The following CLTRN variants were observed in gnomAD, a reference collection of about 807,000 sequenced individuals.
The protein encoded by CLTRN is collectrin, amino acid transport regulator, also known as collectrin.
Under a neutral mutation model 14.5 loss-of-function variants are expected in CLTRN, and 12 were observed. That is an observed-to-expected ratio of 0.83 (90% confidence interval 0.53 to 1.34). CLTRN has a LOEUF of 1.34. Among genes scored for constraint, CLTRN ranks in the 40% most tolerant of loss-of-function variants. The probability of loss-of-function intolerance (pLI) is 0.00; values close to 1 mark genes in which losing one functional copy is unlikely to be tolerated. For missense variants in CLTRN, 154 were observed against 165.1 expected (o/e 0.93, Z 0.37); for synonymous variants, 58 against 56.5 (o/e 1.03, Z -0.12).
upstream of CLTRN, among the ~76,000 whole-genome samples, chrX:15,668,523 T>A (rs745754031): frequency 3.9e-4 from 44 of 112,591 alleles, no homozygotes; most frequent in South Asian, 2.2e-3. Context: ...AACATTTTTT[T>A]AATTTATTTT....
At chrX:15,648,540 C>T (rs763057216) in intron 3 of CLTRN, among the ~76,000 whole-genome samples, 1 of 111,359 alleles carries the variant, frequency 9.0e-6, no homozygotes, top group Non-Finnish European at 1.9e-5. Flanking sequence ...TGGCCTGGCA[C>T]GGTAGCTCAC....
upstream of CLTRN, among the ~76,000 whole-genome samples, chrX:15,667,238 AAAATAAATAAATAAAT>A (rs200000626): frequency 1.9e-5 from 2 of 105,062 alleles, no homozygotes; most frequent in South Asian, 4.5e-4. Context: ...CTCCATCTCA[AAAATAAATAAATAAAT>A]AAATAAATAA....
chrX:15,664,783 G>A lies in CLTRN; in HGVS notation c.-8C>T, dbSNP rs763808409. On this transcript the variant is annotated 5_prime_UTR_variant, in exon 1 of 6. Transcript: ENST00000380342. ...AAAGAGCAGCCACAACATTCTTTCA[G>A]GGTGGAAAACACAAGGCAAAGTGAG... 3 of 1,204,553 alleles carry A rather than the reference G, an allele frequency of 2.5e-6. No homozygotes were observed. In the South Asian group the frequency reaches 5.3e-5, roughly 21 times the overall value.
chrX:15,663,663 C>CT (rs1306841733), intron 2 of CLTRN, among the ~76,000 whole-genome samples: 1 of 112,240 alleles, frequency 8.9e-6, no homozygotes, highest in Non-Finnish European at 1.9e-5. Context: ...CTTTAGCACT[C>CT]TTTTTTCTGT....
chrX:15,634,050 C>G (rs1008636938), intron 5 of CLTRN, among the ~76,000 whole-genome samples: 1 of 111,925 alleles, frequency 8.9e-6, no homozygotes, highest in Non-Finnish European at 1.9e-5. Context: ...TTAGATACAA[C>G]TAAGGTCTAA....
chrX:15,629,236 C>T (rs1301824279), intron 5 of CLTRN, among the ~76,000 whole-genome samples: 7 of 110,888 alleles, frequency 6.3e-5, no homozygotes, highest in Non-Finnish European at 1.1e-4. Flanking sequence ...ATGTTGGGCA[C>T]TGCAGTGGTG....
upstream of CLTRN, among the ~76,000 whole-genome samples, chrX:15,669,359 A>G (rs900907772): frequency 8.9e-6 from 1 of 112,257 alleles, no homozygotes; most frequent in Non-Finnish European, 1.9e-5. Context: ...ATTAGTAACC[A>G]TGGTAATGAT....
At chrX:15,645,916 G>A (rs1161492575) in intron 3 of CLTRN, among the ~76,000 whole-genome samples, 1 of 113,029 alleles carries the variant, frequency 8.8e-6, no homozygotes, top group Non-Finnish European at 1.9e-5. Flanking sequence ...TATGAGTAAA[G>A]GATTTGTTTA....
intron 3 of CLTRN, among the ~76,000 whole-genome samples, chrX:15,652,332 T>C (rs753263809): frequency 8.9e-6 from 1 of 112,098 alleles, no homozygotes; most frequent in African/African-American, 3.2e-5. Flanking sequence ...TTCAAGATTT[T>C]AAATATGAAT....
At chrX:15,670,881 T>C (rs1468009552) in intron 1 of CLTRN, among the ~76,000 whole-genome samples, 1 of 368 alleles carries the variant, frequency 2.7e-3, no homozygotes, top group Non-Finnish European at 4.5e-3. Flanking sequence ...GGGAGACAAG[T>C]GTGTGTGTGT....
chrX:15,671,014 T>G (rs1233041950), intron 1 of CLTRN, among the ~76,000 whole-genome samples: 2 of 109,919 alleles, frequency 1.8e-5, no homozygotes, highest in Admixed American at 2.0e-4. Context: ...AGTCACAAGC[T>G]TATTAGAACT....
intron 4 of CLTRN, among the ~76,000 whole-genome samples, chrX:15,643,721 A>AT (rs1928994110): frequency 8.9e-6 from 1 of 112,740 alleles, no homozygotes; most frequent in Admixed American, 9.4e-5. Context: ...TCCAATCAGT[A>AT]TAAATCCTCA....
chrX:15,653,482 T>C (rs1293044844), intron 3 of CLTRN, among the ~76,000 whole-genome samples: 3 of 111,158 alleles, frequency 2.7e-5, no homozygotes, highest in Non-Finnish European at 5.7e-5. Flanking sequence ...TTCATCCTCT[T>C]CCTCACCATC....
upstream of CLTRN, among the ~76,000 whole-genome samples, chrX:15,665,641 T>G (rs1929606358): frequency 8.9e-6 from 1 of 112,428 alleles, no homozygotes. Context: ...CATTGAGCAC[T>G]GGAAATGGAG....
At chrX:15,644,834 CT>C in intron 4 of CLTRN, 81 bp downstream of exon 4, 1 of 586,360 alleles carries the variant, frequency 1.7e-6, no homozygotes, top group Admixed American at 3.4e-5. Flanking sequence ...ACAGATAAAA[CT>C]CTTCAATATC....
chrX:15,659,113 G>C lies in CLTRN; in HGVS notation c.118-12C>G, dbSNP rs754886232. 3.8e-6 allele frequency: 4 copies of C among 1,060,202 alleles called. No homozygotes were observed. In the Admixed American group the frequency reaches 9.1e-5, roughly 24 times the overall value. 87.4% of individuals were successfully genotyped at this position (1,060,202 alleles called of 1,213,427 possible). ...GTATCCCAGGCATACTGAAAAAGAAGGAAAACAAAGTGTATGGGGGAAAAT... is the reference window on the plus strand; with the variant it reads ...GTATCCCAGGCATACTGAAAAAGAACGAAAACAAAGTGTATGGGGGAAAAT... On this transcript the variant is annotated splice_polypyrimidine_tract_variant and intron_variant, in intron 2 of 5. Coordinates refer to ENST00000380342, the MANE Select transcript of CLTRN (RefSeq NM_020665.6).
chrX:15,653,015 A>G (rs1279062194), intron 3 of CLTRN, among the ~76,000 whole-genome samples: 1 of 111,666 alleles, frequency 9.0e-6, no homozygotes, highest in Non-Finnish European at 1.9e-5. Context: ...GAGGAGATGG[A>G]AGTTGCAGTG....
chrX:15,671,361 C>T (rs1051483606), intron 1 of CLTRN, among the ~76,000 whole-genome samples: 2 of 112,410 alleles, frequency 1.8e-5, no homozygotes, highest in African/African-American at 6.5e-5. Context: ...TGAAAGCCCA[C>T]AGGATACAAG....
At chrX:15,654,687 T>C (rs978372639) in intron 3 of CLTRN, among the ~76,000 whole-genome samples, 1 of 112,629 alleles carries the variant, frequency 8.9e-6, no homozygotes. Context: ...TGAATGATGA[T>C]TTTGAAAGAG....
Sources: gnomAD v4.1 joint callset for allele counts (sites outside exome capture counted in the v4.1 genomes callset) on GRCh38, gnomAD v4.1.1 for gene constraint, MANE v1.5 for transcripts, NCBI Gene and HGNC (gene_info 2026-07-23, HGNC 2026-07-21) for gene names.